PRKCB: variants seen among roughly 807,000 people sequenced by gnomAD.
PRKCB encodes the protein protein kinase C beta type.
PRKCB carries 13 observed loss-of-function variants against 81.5 expected under a neutral mutation model. The ratio of observed to expected loss-of-function variants is 0.16; its 90% CI spans 0.10 to 0.25. The LOEUF is 0.25. Among genes scored for constraint, PRKCB ranks in the 10% least tolerant of loss-of-function variants. The pLI, the probability that PRKCB is intolerant of heterozygous loss-of-function variation, is 1.00. For missense variants in PRKCB, 509 were observed against 875.7 expected (o/e 0.58, Z 5.29); for synonymous variants, 335 against 321.4 (o/e 1.04, Z -0.45).
chr16:24,002,302 TGTGTGTGTGTATGTGTGTGTGCGTGC>T (rs968212180), intron 3 of PRKCB, among the ~76,000 whole-genome samples: 1 of 143,966 alleles, frequency 6.9e-6, no homozygotes, highest in Non-Finnish European at 1.5e-5. Context: ...AGCACAGGTG[TGTGTGTGTGTATGTGTGTGTGCGTGC>T]GTGTGTGTGT....
At chr16:24,052,166 A>G (rs547956439) in intron 5 of PRKCB, among the ~76,000 whole-genome samples, 19 of 152,288 alleles carry the variant, frequency 1.2e-4, no homozygotes, top group African/African-American at 4.6e-4. Flanking sequence ...TAAAAATGCC[A>G]ATGTGCATTG....
chr16:24,157,998 C>T lies in PRKCB; in HGVS notation c.1239+3141C>T, dbSNP rs533222421. Among the ~76,000 whole-genome samples, 7 of 152,318 alleles carry T rather than the reference C, an allele frequency of 4.6e-5. No individual in the cohort carries two copies. In the South Asian group the frequency reaches 1.4e-3, roughly 32 times the overall value. On this transcript the variant is annotated intron_variant, in intron 10 of 16. Transcript: ENST00000643927. ...CCATGTGGAGACCAATGCAGAATCTCCCCAACCGACAAGTCCAAGGATGGA... is the reference window on the plus strand; with the variant it reads ...CCATGTGGAGACCAATGCAGAATCTTCCCAACCGACAAGTCCAAGGATGGA...
chr16:24,085,149 G>GGAA (rs533944182), intron 5 of PRKCB, among the ~76,000 whole-genome samples: 1 of 138,192 alleles, frequency 7.2e-6, no homozygotes, highest in African/African-American at 2.7e-5. Context: ...TTGATGAAAT[G>GGAA]AAAAAAAAAA....
At chr16:24,008,334 G>T (rs1965156491) in intron 3 of PRKCB, among the ~76,000 whole-genome samples, 1 of 152,216 alleles carries the variant, frequency 6.6e-6, no homozygotes. Context: ...TTCCAGATAT[G>T]CACTGCCAAA....
intron 5 of PRKCB, among the ~76,000 whole-genome samples, chr16:24,047,130 C>T (rs1325548310): frequency 3.3e-5 from 5 of 151,774 alleles, no homozygotes; most frequent in East Asian, 1.9e-4. Flanking sequence ...CAAGGTCAGG[C>T]GTTCGAGACC....
At chr16:24,130,396 G>A (rs946708344) in intron 9 of PRKCB, among the ~76,000 whole-genome samples, 18 of 152,114 alleles carry the variant, frequency 1.2e-4, no homozygotes, top group South Asian at 4.1e-4. Flanking sequence ...GCTAAAGGAC[G>A]AGTTAAGTTA....
chr16:24,088,467 C>T (rs1966335291), intron 5 of PRKCB, among the ~76,000 whole-genome samples: 1 of 152,142 alleles, frequency 6.6e-6, no homozygotes, highest in Non-Finnish European at 1.5e-5. Context: ...TGGCTCACAC[C>T]TGTAATCCCA....
At chr16:23,855,561 T>A (rs1167871629) in intron 2 of PRKCB, among the ~76,000 whole-genome samples, 1 of 152,218 alleles carries the variant, frequency 6.6e-6, no homozygotes, top group African/African-American at 2.4e-5. Context: ...AAAGACCTCA[T>A]CTTTATTTAG....
intron 2 of PRKCB, among the ~76,000 whole-genome samples, chr16:23,933,668 C>CCATT (rs1443022233): frequency 1.3e-5 from 2 of 148,746 alleles, no homozygotes; most frequent in African/African-American, 5.0e-5. Flanking sequence ...ATCCATCCAT[C>CCATT]CATCCATCAT....
chr16:23,855,491 T>C (rs560525749), intron 2 of PRKCB, among the ~76,000 whole-genome samples: 12 of 152,308 alleles, frequency 7.9e-5, no homozygotes, highest in Non-Finnish European at 1.3e-4. Context: ...TGATTGCTTA[T>C]TAAATGTTAG....
chr16:24,142,475 C>G (rs916595501), intron 9 of PRKCB, among the ~76,000 whole-genome samples: 9 of 152,276 alleles, frequency 5.9e-5, no homozygotes, highest in African/African-American at 2.2e-4. Flanking sequence ...AGTTTTCCAG[C>G]CCCTGATCAC....
At chr16:24,100,397 A>T (rs574942201) in intron 7 of PRKCB, among the ~76,000 whole-genome samples, 1 of 152,062 alleles carries the variant, frequency 6.6e-6, no homozygotes, top group Non-Finnish European at 1.5e-5. Flanking sequence ...TGTGCTGAAG[A>T]TCCTGGCCTG....
intron 8 of PRKCB, among the ~76,000 whole-genome samples, chr16:24,115,117 C>A (rs1053676771): frequency 6.6e-6 from 1 of 152,178 alleles, no homozygotes; most frequent in Non-Finnish European, 1.5e-5. Flanking sequence ...GCAGAGAAAG[C>A]CAAAGAGAGT....
At chr16:24,050,587 A>G (rs558688247) in intron 5 of PRKCB, among the ~76,000 whole-genome samples, 18 of 152,074 alleles carry the variant, frequency 1.2e-4, no homozygotes, top group African/African-American at 3.9e-4. Context: ...GCTTACCTCT[A>G]CTTATGCTCA....
At chr16:24,047,892 A>G (rs776365130) in intron 5 of PRKCB, among the ~76,000 whole-genome samples, 4 of 152,134 alleles carry the variant, frequency 2.6e-5, no homozygotes, top group Non-Finnish European at 5.9e-5. Context: ...CAGAGTTTAG[A>G]GAAGGGAGGG....
chr16:23,923,089 C>A (rs1333411951), intron 2 of PRKCB, among the ~76,000 whole-genome samples: 2 of 152,016 alleles, frequency 1.3e-5, no homozygotes, highest in Non-Finnish European at 2.9e-5. Context: ...CCTTAAAATT[C>A]ATGTATTTCA....
chr16:24,073,039 G>A (rs1362191564), intron 5 of PRKCB, among the ~76,000 whole-genome samples: 3 of 152,218 alleles, frequency 2.0e-5, no homozygotes, highest in Non-Finnish European at 4.4e-5. Flanking sequence ...TGGCAACTAA[G>A]AAATACCACC....
intron 7 of PRKCB, among the ~76,000 whole-genome samples, chr16:24,106,147 C>G (rs1477287901): frequency 6.6e-6 from 1 of 151,790 alleles, no homozygotes; most frequent in Non-Finnish European, 1.5e-5. Flanking sequence ...GCTTTGGAAT[C>G]AGACTTCCCG....
intron 2 of PRKCB, among the ~76,000 whole-genome samples, chr16:23,973,658 A>G (rs986274749): frequency 2.0e-5 from 3 of 151,956 alleles, no homozygotes; most frequent in African/African-American, 7.3e-5. Flanking sequence ...CAGAAGTGAT[A>G]TTTAATCCCC....
Sources: allele counts gnomAD v4.1 joint callset (sites outside exome capture counted in the v4.1 genomes callset), GRCh38; gene constraint gnomAD v4.1.1; transcripts MANE v1.5; gene names NCBI Gene and HGNC (gene_info 2026-07-23, HGNC 2026-07-21).